Variants in GRIP1 observed in about 807,000 individuals in gnomAD.
GRIP1 encodes the protein glutamate receptor-interacting protein 1.
A neutral mutation model predicts 129.9 loss-of-function variants in GRIP1; 45 were observed. The observed-to-expected ratio is 0.35, with a 90% confidence interval of 0.27 to 0.44. The LOEUF (loss-of-function observed/expected upper bound fraction) is 0.44. GRIP1 is among the 20% of genes least tolerant of loss of function. The pLI is 1.00. For missense variants in GRIP1, 1,196 were observed against 1,396.8 expected, an observed-to-expected ratio of 0.86 and a Z score of 2.29; for synonymous variants, 530 against 520.8, an observed-to-expected ratio of 1.02 and a Z score of -0.24.
chr12:66,921,282 C>T (rs1173577336), intron 1 of GRIP1, among the ~76,000 whole-genome samples: 1 of 152,214 alleles, frequency 6.6e-6, no homozygotes, highest in Non-Finnish European at 1.5e-5. Context: ...CATGTGTCAA[C>T]TGCCTAAAGC....
At chr12:66,707,792 G>C (rs2035585468) in intron 1 of GRIP1, among the ~76,000 whole-genome samples, 1 of 151,892 alleles carries the variant, frequency 6.6e-6, no homozygotes, top group Non-Finnish European at 1.5e-5. Flanking sequence ...TCTTTTGCTA[G>C]AACAAGGTCC....
At chr12:66,749,565 T>C (rs1313174655) in intron 1 of GRIP1, among the ~76,000 whole-genome samples, 1 of 152,238 alleles carries the variant, frequency 6.6e-6, no homozygotes, top group Non-Finnish European at 1.5e-5. Context: ...ACTGTAATCC[T>C]TTTTTCTAAC....
At chr12:66,793,590 A>C (rs1167159462) in intron 1 of GRIP1, among the ~76,000 whole-genome samples, 4 of 152,206 alleles carry the variant, frequency 2.6e-5, no homozygotes, top group Non-Finnish European at 5.9e-5. Context: ...TCATAACAGC[A>C]TGTTGCGTTT....
intron 1 of GRIP1, among the ~76,000 whole-genome samples, chr12:66,614,865 T>A (rs766334301): frequency 5.3e-5 from 8 of 152,156 alleles, no homozygotes; most frequent in Non-Finnish European, 1.2e-4. Context: ...ACCTTGCTAC[T>A]CCTTCTGCCT....
At chr12:66,930,100 A>T (rs1214527242) in intron 1 of GRIP1, among the ~76,000 whole-genome samples, 2 of 104,914 alleles carry the variant, frequency 1.9e-5, no homozygotes, top group Admixed American at 9.7e-5. Flanking sequence ...TTTGGCCTTT[A>T]TACTCTTTTT....
At chr12:66,656,911 C>T (rs1349321872) in intron 1 of GRIP1, among the ~76,000 whole-genome samples, 1 of 151,868 alleles carries the variant, frequency 6.6e-6, no homozygotes, top group Admixed American at 6.6e-5. Flanking sequence ...GGTTTTTATC[C>T]CAATAGAAAA....
chr12:66,579,116 C>G (rs576013920), intron 2 of GRIP1, among the ~76,000 whole-genome samples: 167 of 152,324 alleles, frequency 1.1e-3, no homozygotes, highest in African/African-American at 4.0e-3. Flanking sequence ...AACCACTGTT[C>G]TGCAGACACC....
At chr12:66,582,141 C>A (rs891463833) in intron 2 of GRIP1, among the ~76,000 whole-genome samples, 1 of 151,688 alleles carries the variant, frequency 6.6e-6, no homozygotes, top group Non-Finnish European at 1.5e-5. Flanking sequence ...ATAAACAGAA[C>A]CAAAGACAAA....
chr12:66,714,249 G>T (rs2136412776), intron 1 of GRIP1, among the ~76,000 whole-genome samples: 1 of 152,052 alleles, frequency 6.6e-6, no homozygotes, highest in East Asian at 1.9e-4. Flanking sequence ...ACGACTTAAG[G>T]AGTTGGTATA....
chr12:66,773,407 C>T (rs1202737848), intron 1 of GRIP1, among the ~76,000 whole-genome samples: 2 of 152,058 alleles, frequency 1.3e-5, no homozygotes, highest in African/African-American at 4.8e-5. Flanking sequence ...TGAGGAATTG[C>T]CACACTGTGT....
intron 1 of GRIP1, among the ~76,000 whole-genome samples, chr12:66,835,479 T>C (rs1209991199): frequency 6.6e-6 from 1 of 152,168 alleles, no homozygotes; most frequent in East Asian, 1.9e-4. Flanking sequence ...TCATTGCCAA[T>C]TGCCAAAACT....
chr12:66,470,863 AAAG>A (rs2059420331), intron 7 of GRIP1, among the ~76,000 whole-genome samples: 1 of 151,788 alleles, frequency 6.6e-6, no homozygotes, highest in Admixed American at 6.6e-5. Context: ...CTGAAAAGGC[AAAG>A]AATAGAATTG....
chr12:66,472,296 T>A (rs1055715275), intron 7 of GRIP1, among the ~76,000 whole-genome samples: 2 of 152,160 alleles, frequency 1.3e-5, no homozygotes, highest in Non-Finnish European at 2.9e-5. Context: ...AAGATGGACA[T>A]TTACTATTCC....
chr12:66,958,943 G>A (rs1220996589), intron 1 of GRIP1, among the ~76,000 whole-genome samples: 2 of 152,206 alleles, frequency 1.3e-5, no homozygotes, highest in Admixed American at 6.5e-5. Context: ...GATATCTATT[G>A]TTATTGTTAC....
chr12:66,787,363 C>T (rs2136829819), intron 1 of GRIP1, among the ~76,000 whole-genome samples: 1 of 144,382 alleles, frequency 6.9e-6, no homozygotes, highest in African/African-American at 2.4e-5. Flanking sequence ...AAAATTCTTA[C>T]TGAGGAGGAG....
intron 7 of GRIP1, among the ~76,000 whole-genome samples, chr12:66,487,954 T>A (rs1179143106): frequency 6.6e-6 from 1 of 152,136 alleles, no homozygotes; most frequent in Non-Finnish European, 1.5e-5. Flanking sequence ...ACGCACCTAA[T>A]ACAAGAGCAC....
intron 8 of GRIP1, among the ~76,000 whole-genome samples, chr12:66,464,734 G>A (rs1416966065): frequency 2.0e-5 from 3 of 151,996 alleles, no homozygotes; most frequent in Non-Finnish European, 4.4e-5. Context: ...GACATCATGG[G>A]GTGGCTGACA....
chr12:66,371,829 G>A lies in GRIP1; in HGVS notation c.2877C>T (p.Ser959=). ...TTGTTTGGCTGTAGTGCGGCCGCGA[G>A]CTGCTGCGCTCCTGGAAGCTGGCCT... is the stretch of plus-strand genomic sequence containing the variant. ...GRQASFQERS[S]SRPHYSQTTR... The change falls in exon 23 of 25, where the codon AGC becomes AGT. Residue 959 remains serine (S), a synonymous_variant. Transcript: ENST00000359742. 6.2e-7 allele frequency: 1 copy of A among 1,613,948 alleles called. No individual in the cohort carries two copies.
At chr12:67,022,205 T>C (rs752150407) in intron 1 of GRIP1, among the ~76,000 whole-genome samples, 2 of 152,170 alleles carry the variant, frequency 1.3e-5, no homozygotes, top group Non-Finnish European at 2.9e-5. Flanking sequence ...ATATATCCAA[T>C]GGTGGGGGTT....
Sources: gnomAD v4.1 joint callset for allele counts (sites outside exome capture counted in the v4.1 genomes callset) on GRCh38, gnomAD v4.1.1 for gene constraint, MANE v1.5 for transcripts, NCBI Gene and HGNC (gene_info 2026-07-23, HGNC 2026-07-21) for gene names.